COL4A3: variants seen among roughly 807,000 people sequenced by gnomAD.
The protein encoded by COL4A3 is collagen alpha-3(IV) chain.
Under a neutral mutation model 217.4 loss-of-function variants are expected in COL4A3, and 135 were observed. The observed-to-expected ratio is 0.62, with a 90% CI of 0.54 to 0.72. The LOEUF (loss-of-function observed/expected upper bound fraction) is 0.72, where lower values mean the gene tolerates loss of function less well. Ranked by LOEUF, COL4A3 falls within the 30% of genes least tolerant of loss-of-function variation. The probability of loss-of-function intolerance (pLI) is 0.00; values close to 1 mark genes in which losing one functional copy is unlikely to be tolerated. For synonymous variants in COL4A3, 690 were observed against 736.3 expected, an observed-to-expected ratio of 0.94 and a Z score of 1.02; for missense variants, 1,868 against 2,119.9, an observed-to-expected ratio of 0.88 and a Z score of 2.33.
intron 1 of COL4A3, among the ~76,000 whole-genome samples, chr2:227,177,289 A>G (rs1295423550): frequency 6.6e-6 from 1 of 151,316 alleles, no homozygotes; most frequent in African/African-American, 2.4e-5. Context: ...AGCTGGGACT[A>G]CAGGCGCCTG....
At chr2:227,211,525 A>G (rs13427767) in intron 1 of COL4A3, among the ~76,000 whole-genome samples, 11,586 of 152,208 alleles carry the variant, frequency 0.076, 645 homozygotes, top group African/African-American at 0.15. Context: ...GGGGATGCAT[A>G]TACATTTATC....
rs1036829250 is a variant in COL4A3, at chr2:227,164,789, G to A, written c.63G>A (p.Leu21=). The A allele has an allele frequency of 1.4e-5, 21 of 1,519,818 alleles. No homozygotes were observed. In the African/African-American group the frequency reaches 3.0e-4, roughly 22 times the overall value. The allele number at this position is 1,519,818 out of a possible 1,614,324, so 94.1% of individuals were successfully genotyped here. ...TGCTGCCGCTCCTGCTGGTGCTCCT[G>A]GCGGCGGCGCCCGCAGCCAGCAAGG... ...VLLLPLLLVL[L]AAAPAASKGC... is the part of the protein sequence containing the mutation. Residue 21 remains leucine (L), a synonymous_variant, in exon 1 of 52, where the codon CTG becomes CTA. Coordinates refer to ENST00000396578, the MANE Select transcript of COL4A3 (RefSeq NM_000091.5). This position sits in a 1 kb window ranked among gnomAD's most constrained non-coding sequence, Gnocchi z 4.8.
At chr2:227,245,757 A>G (rs2069297024) in intron 5 of COL4A3, 197 bp from the exon 6 acceptor site, 1 of 640,502 alleles carries the variant, frequency 1.6e-6, no homozygotes, top group Non-Finnish European at 2.8e-6. Flanking sequence ...ATCTCATTTG[A>G]TAAGTCTTCA....
intron 1 of COL4A3, among the ~76,000 whole-genome samples, chr2:227,165,984 C>A (rs2065256322): frequency 6.6e-6 from 1 of 152,178 alleles, no homozygotes; most frequent in South Asian, 2.1e-4. Flanking sequence ...TATGAACCCA[C>A]AAACATATAT....
intron 23 of COL4A3, 42 bp from the exon 24 acceptor site, chr2:227,269,868 G>T: frequency 6.5e-7 from 1 of 1,532,572 alleles, no homozygotes; most frequent in Non-Finnish European, 9.0e-7. Flanking sequence ...ACTTAGAGTT[G>T]GCGTTCAATG....
chr2:227,228,226 C>G (rs1027964992), intron 1 of COL4A3, among the ~76,000 whole-genome samples: 1 of 152,174 alleles, frequency 6.6e-6, no homozygotes, highest in East Asian at 1.9e-4. Flanking sequence ...GCGGGGCAGG[C>G]GGGGGCATCC....
intron 8 of COL4A3, 57 bp downstream of exon 8, chr2:227,247,641 A>T: frequency 6.6e-7 from 1 of 1,525,234 alleles, no homozygotes; most frequent in Non-Finnish European, 9.1e-7. Context: ...TATGAAAAGG[A>T]CGTCTATTAA....
intron 4 of COL4A3, among the ~76,000 whole-genome samples, chr2:227,244,640 C>A (rs1237637617): frequency 6.6e-6 from 1 of 152,136 alleles, no homozygotes; most frequent in East Asian, 1.9e-4. Flanking sequence ...CATAGGTCAA[C>A]CTTTGTTAAG....
At chr2:227,218,358 CG>C (rs2067617852) in intron 1 of COL4A3, among the ~76,000 whole-genome samples, 2 of 151,866 alleles carry the variant, frequency 1.3e-5, no homozygotes, top group African/African-American at 4.8e-5. Flanking sequence ...CCCAGCTATT[CG>C]GGTGGCTGAG....
Position 227,230,288 on chromosome 2 carries a change from TTAA to T in COL4A3, c.88-7677_88-7675del, listed in dbSNP as rs2068331034. On this transcript the variant is annotated intron_variant, in intron 1 of 51. Transcript: ENST00000396578. Reference sequence around the variant, plus strand: ...GAATGATTTCCACAAGTTTAACTACTTAATATTCAAAAGTGCTAAAACATCATG... The same window carrying T: ...GAATGATTTCCACAAGTTTAACTACTTATTCAAAAGTGCTAAAACATCATG... Among the ~76,000 whole-genome samples, 7 of 152,292 alleles carry T rather than the reference TTAA, an allele frequency of 4.6e-5. No homozygotes were observed. The South Asian group carries it at 1.5e-3, about 32-fold the overall frequency.
chr2:227,168,044 CATATAG>C (rs2065340623), intron 1 of COL4A3, among the ~76,000 whole-genome samples: 1 of 152,124 alleles, frequency 6.6e-6, no homozygotes. Flanking sequence ...CATGTTGGTA[CATATAG>C]ATATGATGTA....
chr2:227,309,131 T>C, intron 49 of COL4A3, 55 bp downstream of exon 49: 1 of 1,610,342 alleles, frequency 6.2e-7, no homozygotes, highest in Non-Finnish European at 8.5e-7. Flanking sequence ...ACTTCCCTTG[T>C]AATGGAATGA....
At chr2:227,170,719 A>G (rs984409782) in intron 1 of COL4A3, among the ~76,000 whole-genome samples, 20 of 152,178 alleles carry the variant, frequency 1.3e-4, no homozygotes, top group Admixed American at 1.1e-3. Flanking sequence ...AATAGTATGT[A>G]TTTTTGTCTC....
chr2:227,239,399 C>T (rs1001953350), intron 2 of COL4A3, among the ~76,000 whole-genome samples: 1 of 144,964 alleles, frequency 6.9e-6, no homozygotes, highest in Non-Finnish European at 1.5e-5. Context: ...CACAGGTTTT[C>T]GTGTGGGGGG....
intron 43 of COL4A3, among the ~76,000 whole-genome samples, chr2:227,301,422 T>C (rs1391401033): frequency 6.6e-6 from 1 of 152,226 alleles, no homozygotes; most frequent in African/African-American, 2.4e-5. Context: ...TAGCTCATTG[T>C]TAGGAATCGC....
Position 227,294,980 on chromosome 2 carries a change from AGGATCTCCTGGACCAAT to A in COL4A3, c.3438_3454del (p.Ser1147TyrfsTer4). ...TTTTTTCAGGTCTTCCAGGATTTCC[AGGATCTCCTGGACCAAT>A]GGGTATAAGAGGTGACCAAGGACGT... On this transcript the variant is annotated frameshift_variant, in exon 40 of 52. Transcript: ENST00000396578. LOFTEE classifies it high-confidence loss of function. The A allele has an allele frequency of 6.2e-7, 1 of 1,601,362 alleles. No homozygotes were observed. Among genetic ancestry groups the A allele is most frequent in the East Asian group, 2.2e-5 (1 of 44,732 alleles).
At chr2:227,229,750 G>A (rs903068871) in intron 1 of COL4A3, among the ~76,000 whole-genome samples, 7 of 152,096 alleles carry the variant, frequency 4.6e-5, no homozygotes, top group African/African-American at 1.7e-4. Context: ...GAACCTGGAA[G>A]GATTAAGAAA....
intron 1 of COL4A3, among the ~76,000 whole-genome samples, chr2:227,214,106 G>A (rs1019100849): frequency 2.6e-5 from 4 of 151,998 alleles, no homozygotes; most frequent in East Asian, 1.9e-4. Context: ...TTTATCCTCC[G>A]CATATTGAAA....
chr2:227,196,490 T>G (rs958834028), intron 1 of COL4A3, among the ~76,000 whole-genome samples: 3 of 73,684 alleles, frequency 4.1e-5, no homozygotes, highest in African/African-American at 1.6e-4. Flanking sequence ...GCTAATTTTT[T>G]GTATTTTTAG....
Sources: allele counts gnomAD v4.1 joint callset (sites outside exome capture counted in the v4.1 genomes callset), GRCh38; gene constraint gnomAD v4.1.1; non-coding constraint Gnocchi (gnomAD v3.1); transcripts MANE v1.5; gene names NCBI Gene and HGNC (gene_info 2026-07-23, HGNC 2026-07-21).